Variants in SNRPN observed in about 807,000 individuals in gnomAD.
SNRPN encodes the protein small nuclear ribonucleoprotein polypeptide N.
In SNRPN, 7 loss-of-function variants were observed where a neutral mutation model predicts 25.2. The observed-to-expected ratio is 0.28, with a 90% CI of 0.16 to 0.52. The LOEUF (loss-of-function observed/expected upper bound fraction) is 0.52. SNRPN is among the 20% of genes least tolerant of loss of function. The pLI, the probability that SNRPN is intolerant of heterozygous loss-of-function variation, is 0.96. For missense variants in SNRPN, 196 were observed against 322.5 expected, an observed-to-expected ratio of 0.61 and a Z score of 3.00; for synonymous variants, 124 against 110.6, an observed-to-expected ratio of 1.12 and a Z score of -0.76.
chr15:24,837,337 C>T (rs1160217696), intron 2 of SNRPN, among the ~76,000 whole-genome samples: 2 of 151,406 alleles, frequency 1.3e-5, no homozygotes, highest in Non-Finnish European at 2.9e-5. Flanking sequence ...TGGAAAAACA[C>T]TAATCATATA....
intron 2 of SNRPN, among the ~76,000 whole-genome samples, chr15:24,843,611 C>T (rs182635264): frequency 1.9e-4 from 29 of 152,094 alleles, no homozygotes; most frequent in African/African-American, 5.8e-4. Flanking sequence ...GGTGAAACCC[C>T]GTCTCTACTA....
intron 1 of SNRPN, among the ~76,000 whole-genome samples, chr15:24,864,279 C>T (rs1302056644): frequency 1.3e-5 from 2 of 149,608 alleles, no homozygotes; most frequent in East Asian, 2.0e-4. Flanking sequence ...CCGCCCGCCT[C>T]GGCCTCCCAA....
At position 24,968,170 on chromosome 15, in the gene SNRPN, A is replaced by G. The variant is rs995848815; in HGVS notation, c.-144+88A>G. On this transcript the variant is annotated intron_variant, in intron 3 of 9. Transcript: ENST00000390687. ...TCTCTTAATTATCAGTGACACATTA[A>G]TTTTTTTCCTTAGAGCTTCATACAA... 3.7e-6 allele frequency: 3 copies of G among 811,926 alleles called. No homozygotes were observed. In the East Asian group the frequency reaches 8.0e-5, roughly 22 times the overall value. The allele number at this position is 811,926 out of a possible 1,614,324, so 50.3% of individuals were successfully genotyped here. A position where few individuals can be genotyped will look rare whatever the true frequency, so the allele number is the denominator to read the frequency against.
chr15:24,918,206 A>G (rs949568136), intron 2 of SNRPN, among the ~76,000 whole-genome samples: 1 of 151,322 alleles, frequency 6.6e-6, no homozygotes, highest in African/African-American at 2.4e-5. Flanking sequence ...AAATATCTCT[A>G]ATGGACAGAG....
intron 1 of SNRPN, among the ~76,000 whole-genome samples, chr15:24,875,736 T>A (rs1004135041): frequency 6.6e-6 from 1 of 152,082 alleles, no homozygotes; most frequent in Non-Finnish European, 1.5e-5. Context: ...CTAGGCAACA[T>A]AGCAAAACAC....
intron 1 of SNRPN, among the ~76,000 whole-genome samples, chr15:24,883,849 T>A (rs1303033479): frequency 3.3e-5 from 5 of 149,464 alleles, no homozygotes; most frequent in Non-Finnish European, 7.4e-5. Flanking sequence ...TGATCTCTAC[T>A]GAAAATACAA....
intron 2 of SNRPN, among the ~76,000 whole-genome samples, chr15:24,917,741 C>T (rs966735504): frequency 5.3e-5 from 8 of 152,232 alleles, no homozygotes; most frequent in Non-Finnish European, 1.0e-4. Context: ...GCCCGTGTTC[C>T]ATATTTGTTT....
At chr15:24,916,571 G>C (rs904999925) in intron 2 of SNRPN, among the ~76,000 whole-genome samples, 1 of 151,916 alleles carries the variant, frequency 6.6e-6, no homozygotes, top group African/African-American at 2.4e-5. Flanking sequence ...AAAAAAAGAA[G>C]AAAAAAATAC....
chr15:24,871,773 T>C (rs535044284), intron 1 of SNRPN, among the ~76,000 whole-genome samples: 48 of 148,808 alleles, frequency 3.2e-4, no homozygotes, highest in Middle Eastern at 3.4e-3. Context: ...GGTGCAATCT[T>C]GGCTCACTGC....
intron 2 of SNRPN, chr15:24,909,455 A>T: frequency 6.3e-7 from 1 of 1,586,596 alleles, no homozygotes; most frequent in Non-Finnish European, 8.6e-7. Context: ...AGTCACCTCC[A>T]CTTGGCCTTC....
At chr15:24,915,150 C>CA (rs1460426472) in intron 2 of SNRPN, among the ~76,000 whole-genome samples, 1 of 151,816 alleles carries the variant, frequency 6.6e-6, no homozygotes, top group East Asian at 1.9e-4. Flanking sequence ...ATTTTTGAGA[C>CA]AGAGTCTCGC....
At chr15:24,856,884 T>C (rs188946433) in intron 1 of SNRPN, among the ~76,000 whole-genome samples, 2 of 152,354 alleles carry the variant, frequency 1.3e-5, no homozygotes, top group Admixed American at 1.3e-4. Context: ...AATACATTCA[T>C]AATCACTTTT....
chr15:24,863,040 T>G (rs2054145513), intron 1 of SNRPN, among the ~76,000 whole-genome samples: 1 of 150,872 alleles, frequency 6.6e-6, no homozygotes, highest in Non-Finnish European at 1.5e-5. Flanking sequence ...CGAATGCCTT[T>G]TCTTCTTTTA....
At chr15:24,897,585 A>G (rs1027058903) in intron 2 of SNRPN, among the ~76,000 whole-genome samples, 35 of 152,286 alleles carry the variant, frequency 2.3e-4, no homozygotes, top group African/African-American at 8.4e-4. Context: ...ACCTTGTGAT[A>G]TGGTTTGGCT....
At chr15:24,868,306 A>G (rs2054782959) in intron 1 of SNRPN, among the ~76,000 whole-genome samples, 1 of 152,110 alleles carries the variant, frequency 6.6e-6, no homozygotes. Context: ...TTAACTGTAA[A>G]TTTAGGGACT....
chr15:24,836,756 G>A (rs184123360), intron 2 of SNRPN, among the ~76,000 whole-genome samples: 97 of 152,164 alleles, frequency 6.4e-4, no homozygotes, highest in Admixed American at 4.6e-4. Context: ...AGGAGACTAC[G>A]GAAATGAAAA....
intron 3 of SNRPN, among the ~76,000 whole-genome samples, chr15:24,940,193 T>C (rs2061469434): frequency 6.6e-6 from 1 of 152,208 alleles, no homozygotes; most frequent in African/African-American, 2.4e-5. Flanking sequence ...GTTGATTGTG[T>C]CCTTTGATGC....
intron 2 of SNRPN, among the ~76,000 whole-genome samples, chr15:24,918,345 T>C (rs1261222069): frequency 1.1e-4 from 13 of 119,388 alleles, no homozygotes; most frequent in African/African-American, 3.5e-4. Context: ...TATGTGTATA[T>C]ATATATAACA....
chr15:24,897,764 G>A (rs561272802), intron 2 of SNRPN, among the ~76,000 whole-genome samples: 8 of 152,222 alleles, frequency 5.3e-5, no homozygotes, highest in African/African-American at 1.4e-4. Context: ...CTGCACAAGC[G>A]CTCTTGCCTG....
Sources: gnomAD v4.1 joint callset for allele counts (sites outside exome capture counted in the v4.1 genomes callset) on GRCh38, gnomAD v4.1.1 for gene constraint, MANE v1.5 for transcripts, NCBI Gene and HGNC (gene_info 2026-07-23, HGNC 2026-07-21) for gene names.